The following CAPN13 variants were observed in gnomAD, a reference collection of about 807,000 sequenced individuals.
The protein encoded by CAPN13 is calpain 13.
In CAPN13, 90 loss-of-function variants were observed where a neutral mutation model predicts 98.4. The ratio of observed to expected loss-of-function variants is 0.92; its 90% confidence interval spans 0.77 to 1.09. The LOEUF is 1.09. Among genes scored for constraint, CAPN13 ranks in the 50% least tolerant of loss-of-function variants. CAPN13 has a pLI of 0.00. For synonymous variants in CAPN13, 330 were observed against 305.5 expected (o/e 1.08, Z -0.84); for missense variants, 887 against 841.3 (o/e 1.05, Z -0.67).
At chr2:30,758,024 G>C in intron 8 of CAPN13, 22 bp downstream of exon 8, 1 of 1,577,352 alleles carries the variant, frequency 6.3e-7, no homozygotes, top group Non-Finnish European at 8.6e-7. Context: ...GAAGGATGGA[G>C]AGAGGTTTCC....
chr2:30,737,861 G>A (rs1671452251), intron 17 of CAPN13: 3 of 281,022 alleles, frequency 1.1e-5, no homozygotes, highest in South Asian at 4.5e-5. Flanking sequence ...CTGACTAGCT[G>A]TGTGATCTGG....
chr2:30,757,122 G>C (rs1300767955), intron 8 of CAPN13, among the ~76,000 whole-genome samples: 5 of 152,160 alleles, frequency 3.3e-5, no homozygotes, highest in Non-Finnish European at 5.9e-5. Context: ...TTCAGATCAT[G>C]TTCCCCACCC....
At chr2:30,765,787 C>G (rs1673080398) in intron 5 of CAPN13, among the ~76,000 whole-genome samples, 1 of 152,204 alleles carries the variant, frequency 6.6e-6, no homozygotes, top group African/African-American at 2.4e-5. Context: ...CTTAGAAAGC[C>G]TTTTATTAAA....
At chr2:30,754,613 G>A (rs186214391) in intron 8 of CAPN13, among the ~76,000 whole-genome samples, 1 of 152,096 alleles carries the variant, frequency 6.6e-6, no homozygotes, top group Non-Finnish European at 1.5e-5. Context: ...ATTTCCAAGA[G>A]AGTCCCATAG....
At chr2:30,751,283 G>C (rs774079181) in intron 10 of CAPN13, 32 bp from the exon 11 acceptor site, 1 of 1,609,636 alleles carries the variant, frequency 6.2e-7, no homozygotes, top group Non-Finnish European at 8.5e-7. Context: ...CTAGAGCTCA[G>C]CTCCACTCCT....
At chr2:30,798,368 C>A (rs1333021470) in intron 1 of CAPN13, among the ~76,000 whole-genome samples, 2 of 152,128 alleles carry the variant, frequency 1.3e-5, no homozygotes, top group African/African-American at 4.8e-5. Flanking sequence ...CCAGGAGAGC[C>A]TTTGGATTGG....
intron 7 of CAPN13, among the ~76,000 whole-genome samples, chr2:30,758,952 T>C (rs1672640127): frequency 8.0e-6 from 1 of 125,690 alleles, no homozygotes; most frequent in African/African-American, 3.1e-5. Flanking sequence ...CTCCCTTTCT[T>C]CCCTCCTTCC....
At chr2:30,768,616 C>T (rs545038602) in intron 5 of CAPN13, among the ~76,000 whole-genome samples, 22 of 152,244 alleles carry the variant, frequency 1.4e-4, no homozygotes, top group Admixed American at 1.2e-3. Context: ...TTCATAATAT[C>T]GTCACTGCAA....
Position 30,742,643 on chromosome 2 carries a change from C to T in CAPN13, c.1446-284G>A, listed in dbSNP as rs138661204. ...TGTCAGTATGGCAGATAGGCTCTGC[C>T]TTAGGTTCCATCTCTGATTGGTGGT... On this transcript the variant is annotated intron_variant, in intron 13 of 22. Transcript: ENST00000295055. 1.6e-4 allele frequency among the ~76,000 whole-genome samples: 24 copies of T among 152,318 alleles called. No homozygotes were observed. The East Asian group carries it at 4.6e-3, about 29-fold the overall frequency.
chr2:30,762,263 CCAGGCCAGTGATCA>C (rs1175227738), intron 7 of CAPN13, among the ~76,000 whole-genome samples: 1 of 152,204 alleles, frequency 6.6e-6, no homozygotes, highest in Non-Finnish European at 1.5e-5. Flanking sequence ...GTAGTATTTT[CCAGGCCAGTGATCA>C]CATACATTTT....
chr2:30,755,372 C>A (rs1052480411), intron 8 of CAPN13, among the ~76,000 whole-genome samples: 1 of 152,172 alleles, frequency 6.6e-6, no homozygotes. Flanking sequence ...GATTCCTGAG[C>A]CTGGCTGGCC....
intron 6 of CAPN13, 65 bp downstream of exon 6, chr2:30,764,067 C>G (rs550474835): frequency 2.0e-6 from 3 of 1,476,542 alleles, no homozygotes; most frequent in Non-Finnish European, 2.8e-6. Flanking sequence ...TGAATGGACC[C>G]CTGGCTGAGC....
rs756673236 is a variant in CAPN13, at chr2:30,753,131, G to C, written c.1009C>G (p.Leu337Val). The C allele has an allele frequency of 3.7e-6, 6 of 1,613,988 alleles. No homozygotes were observed. Among genetic ancestry groups the C allele is most frequent in the Admixed American group, 1.7e-5 (1 of 60,036 alleles). Residue 337 changes from leucine (L) to valine (V), a missense_variant, in exon 10 of 23, where the codon CTG becomes GTG. Leu to Val is a conservative substitution (Grantham distance 32). Coordinates refer to ENST00000295055, the MANE Select transcript of CAPN13 (RefSeq NM_144575.3). Reference protein sequence around the residue: ...MFICSEIPITLDHGNTLHEGW... With the variant: ...MFICSEIPITVDHGNTLHEGW... Reference sequence around the variant, plus strand: ...TCGTGGAGTGTGTTTCCATGGTCCAGGGTAATTGGAATTTCGCTACATATA... The same window carrying C: ...TCGTGGAGTGTGTTTCCATGGTCCACGGTAATTGGAATTTCGCTACATATA...
intron 1 of CAPN13, among the ~76,000 whole-genome samples, chr2:30,794,886 G>A (rs1674780101): frequency 6.6e-6 from 1 of 151,856 alleles, no homozygotes; most frequent in Non-Finnish European, 1.5e-5. Flanking sequence ...TGGGGGTGGA[G>A]GGAGGAATGG....
At chr2:30,736,641 G>C in intron 17 of CAPN13, 70 bp from the exon 18 acceptor site, 1 of 1,376,372 alleles carries the variant, frequency 7.3e-7, no homozygotes, top group East Asian at 2.3e-5. Flanking sequence ...TGCCAACAAA[G>C]CCAGAGCAGG....
At chr2:30,780,005 T>C (rs765604723) in intron 2 of CAPN13, among the ~76,000 whole-genome samples, 4 of 152,196 alleles carry the variant, frequency 2.6e-5, no homozygotes, top group Non-Finnish European at 4.4e-5. Flanking sequence ...TATAAAATCA[T>C]GATGTAGAAT....
chr2:30,760,445 G>A lies in CAPN13; in HGVS notation c.775-2308C>T, dbSNP rs573617609. Among the ~76,000 whole-genome samples the A allele has an allele frequency of 8.6e-3, 1,308 of 152,246 alleles. 8 individuals are homozygous for A. Among genetic ancestry groups the A allele is most frequent in the African/African-American group, 0.03 (1,254 of 41,522 alleles). Reference sequence around the variant, plus strand: ...CTCAGGGGCTCCAGTGGGCATGGTGGGGAGAAAAGCAGCCTGCGATTCAAA... The same window carrying A: ...CTCAGGGGCTCCAGTGGGCATGGTGAGGAGAAAAGCAGCCTGCGATTCAAA... On this transcript the variant is annotated intron_variant, in intron 7 of 22. Coordinates refer to ENST00000295055, the MANE Select transcript of CAPN13 (RefSeq NM_144575.3).
intron 1 of CAPN13, among the ~76,000 whole-genome samples, chr2:30,799,432 A>G (rs1675055218): frequency 6.6e-6 from 1 of 152,188 alleles, no homozygotes; most frequent in African/African-American, 2.4e-5. Flanking sequence ...CCTGAATACC[A>G]TGGTGGGATT....
At chr2:30,759,171 T>A in intron 7 of CAPN13, among the ~76,000 whole-genome samples, 1 of 142,886 alleles carries the variant, frequency 7.0e-6, no homozygotes, top group East Asian at 2.2e-4. Flanking sequence ...CCCTCCCTCG[T>A]TTTTCTCCTC....
Sources: allele counts gnomAD v4.1 joint callset (sites outside exome capture counted in the v4.1 genomes callset), GRCh38; gene constraint gnomAD v4.1.1; transcripts MANE v1.5; gene names NCBI Gene and HGNC (gene_info 2026-07-23, HGNC 2026-07-21).